ASTN1: variants seen among roughly 807,000 people sequenced by gnomAD.
ASTN1 encodes astrotactin 1, also known as astrotactin-1.
In ASTN1, 41 loss-of-function variants were observed where a neutral mutation model predicts 140.7. The observed-to-expected ratio is 0.29, with a 90% confidence interval of 0.23 to 0.38. The LOEUF is 0.38. Among genes scored for constraint, ASTN1 ranks in the 10% least tolerant of loss-of-function variants. The pLI is 1.00. For missense variants in ASTN1, 1,479 were observed against 1,678.8 expected (o/e 0.88, Z 2.08); for synonymous variants, 640 against 652.2 (o/e 0.98, Z 0.29).
intron 8 of ASTN1, among the ~76,000 whole-genome samples, chr1:176,977,098 G>A (rs1673400076): frequency 6.6e-6 from 1 of 152,142 alleles, no homozygotes; most frequent in Admixed American, 6.5e-5. Flanking sequence ...AGAAAACATA[G>A]CTTCCTACAT....
intron 8 of ASTN1, among the ~76,000 whole-genome samples, chr1:177,007,248 C>T (rs913670908): frequency 2.0e-5 from 3 of 152,014 alleles, no homozygotes; most frequent in Non-Finnish European, 4.4e-5. Flanking sequence ...ACAAAATGAG[C>T]CGGGCGTGAT....
intron 1 of ASTN1, among the ~76,000 whole-genome samples, chr1:177,130,291 C>T (rs998913925): frequency 6.6e-6 from 1 of 152,046 alleles, no homozygotes; most frequent in Non-Finnish European, 1.5e-5. Flanking sequence ...TCCGTGTGAC[C>T]CTGGTTATGA....
intron 8 of ASTN1, among the ~76,000 whole-genome samples, chr1:176,979,603 C>T (rs1048177642): frequency 7.2e-5 from 11 of 152,004 alleles, no homozygotes. Flanking sequence ...AGCGTTAGTC[C>T]CTCGAGGGCA....
chr1:176,923,720 A>G (rs1481577693), intron 16 of ASTN1, among the ~76,000 whole-genome samples: 1 of 152,188 alleles, frequency 6.6e-6, no homozygotes, highest in African/African-American at 2.4e-5. Context: ...AGGGTTCAGT[A>G]CTATTCAAGG....
chr1:176,876,462 C>G, intron 21 of ASTN1, 75 bp downstream of exon 21: 1 of 1,480,182 alleles, frequency 6.8e-7, no homozygotes, highest in Non-Finnish European at 9.4e-7. Context: ...CTCTCTTGGT[C>G]CTTCTGTCCT....
At chr1:176,949,417 G>A in intron 11 of ASTN1, 66 bp from the exon 12 acceptor site, 1 of 1,516,480 alleles carries the variant, frequency 6.6e-7, no homozygotes, top group Non-Finnish European at 8.9e-7. Flanking sequence ...TGGGAACTGA[G>A]TGTAACCACT....
At chr1:177,015,786 A>G (rs963491288) in intron 7 of ASTN1, among the ~76,000 whole-genome samples, 1 of 152,198 alleles carries the variant, frequency 6.6e-6, no homozygotes, top group African/African-American at 2.4e-5. Context: ...TGCTCTATTT[A>G]CTACCGATTT....
chr1:176,948,958 A>G (rs1461707901), intron 12 of ASTN1, among the ~76,000 whole-genome samples: 1 of 152,228 alleles, frequency 6.6e-6, no homozygotes, highest in East Asian at 1.9e-4. Context: ...CCCCAGACTC[A>G]GTTTCCCCAT....
intron 1 of ASTN1, among the ~76,000 whole-genome samples, chr1:177,163,092 T>C (rs1647482713): frequency 6.6e-6 from 1 of 152,120 alleles, no homozygotes; most frequent in African/African-American, 2.4e-5. Context: ...ACATCTCCTA[T>C]GAAGGAAGAG....
intron 8 of ASTN1, among the ~76,000 whole-genome samples, chr1:176,986,983 G>A (rs942365021): frequency 6.6e-6 from 1 of 152,088 alleles, no homozygotes; most frequent in Non-Finnish European, 1.5e-5. Flanking sequence ...GGGCAAGCGT[G>A]GATTTTGACC....
At chr1:177,011,382 C>T (rs370804929) in intron 8 of ASTN1, among the ~76,000 whole-genome samples, 10 of 152,138 alleles carry the variant, frequency 6.6e-5, no homozygotes, top group African/African-American at 1.9e-4. Context: ...CAACTGTCTA[C>T]GTAGACTGTT....
intron 16 of ASTN1, among the ~76,000 whole-genome samples, chr1:176,902,458 C>CT (rs11438786): frequency 0.84 from 127,479 of 152,134 alleles, 53,574 homozygotes; most frequent in Middle Eastern, 0.95. Context: ...AAGATTTTCC[C>CT]TCTTAATAGG....
chr1:177,034,244 AAC>A (rs5778922), intron 2 of ASTN1, among the ~76,000 whole-genome samples: 45,723 of 142,910 alleles, frequency 0.32, 7,430 homozygotes, highest in East Asian at 0.56. Flanking sequence ...TGAGCAAAGG[AAC>A]ACACACACAC....
chr1:176,965,092 A>G, intron 9 of ASTN1, 71 bp downstream of exon 9: 2 of 1,437,896 alleles, frequency 1.4e-6, no homozygotes, highest in Non-Finnish European at 2.0e-6. Context: ...CCAACTAGGA[A>G]AGTCAGTTCG....
intron 1 of ASTN1, among the ~76,000 whole-genome samples, chr1:177,098,919 T>A (rs1007452154): frequency 6.6e-6 from 1 of 151,790 alleles, no homozygotes; most frequent in African/African-American, 2.4e-5. Flanking sequence ...GGAACACAGA[T>A]CATCTTCTAT....
chr1:177,021,448 T>TA (rs1484023797), intron 7 of ASTN1, among the ~76,000 whole-genome samples: 1 of 152,184 alleles, frequency 6.6e-6, no homozygotes, highest in Non-Finnish European at 1.5e-5. Context: ...TAATGGTTGT[T>TA]TTTTAAATAG....
At chr1:176,993,830 T>C (rs180950307) in intron 8 of ASTN1, among the ~76,000 whole-genome samples, 1 of 152,358 alleles carries the variant, frequency 6.6e-6, no homozygotes, top group Non-Finnish European at 1.5e-5. Context: ...ATTCATTCAG[T>C]AGACATTAAC....
At chr1:177,053,024 G>T (rs535471430) in intron 2 of ASTN1, among the ~76,000 whole-genome samples, 42 of 152,316 alleles carry the variant, frequency 2.8e-4, no homozygotes, top group African/African-American at 9.6e-4. Context: ...TCAAAAGGTT[G>T]CTATGGAAAT....
chr1:177,083,517 C>A (rs1679278898), intron 1 of ASTN1, among the ~76,000 whole-genome samples: 1 of 152,040 alleles, frequency 6.6e-6, no homozygotes, highest in Admixed American at 6.6e-5. Context: ...TTAAGAATTC[C>A]AAGTATGAAG....
Sources: gnomAD v4.1 joint callset for allele counts (sites outside exome capture counted in the v4.1 genomes callset) on GRCh38, gnomAD v4.1.1 for gene constraint, MANE v1.5 for transcripts, NCBI Gene and HGNC (gene_info 2026-07-23, HGNC 2026-07-21) for gene names.